The following AUTS2 variants were observed in gnomAD, a reference collection of about 807,000 sequenced individuals.
The protein encoded by AUTS2 is activator of transcription and developmental regulator AUTS2.
A neutral mutation model predicts 112.4 loss-of-function variants in AUTS2; 17 were observed. The observed-to-expected ratio is 0.15, with a 90% CI of 0.10 to 0.23. The LOEUF (loss-of-function observed/expected upper bound fraction) is 0.23, where lower values mean the gene tolerates loss of function less well. Among genes scored for constraint, AUTS2 ranks in the 10% least tolerant of loss-of-function variants. The pLI is 1.00. For synonymous variants in AUTS2, 751 were observed against 702.7 expected, an observed-to-expected ratio of 1.07 and a Z score of -1.09; for missense variants, 1,510 against 1,701.6, an observed-to-expected ratio of 0.89 and a Z score of 1.98.
chr7:70,061,880 C>T (rs915063818), intron 2 of AUTS2, among the ~76,000 whole-genome samples: 3 of 151,750 alleles, frequency 2.0e-5, no homozygotes, highest in African/African-American at 2.4e-5. Context: ...CTCTGCCTCC[C>T]GGGTTCAAGC....
intron 1 of AUTS2, among the ~76,000 whole-genome samples, chr7:69,747,858 C>T (rs968470175): frequency 1.3e-5 from 2 of 149,466 alleles, no homozygotes; most frequent in Admixed American, 6.7e-5. Flanking sequence ...TATTTGCGTA[C>T]GTTTTAAAAT....
chr7:69,744,218 C>G (rs966387506), intron 1 of AUTS2, among the ~76,000 whole-genome samples: 4 of 152,110 alleles, frequency 2.6e-5, no homozygotes, highest in African/African-American at 9.7e-5. Flanking sequence ...CTGGCGATGG[C>G]TTTTGGGTTG....
chr7:70,003,811 ATG>A (rs1184648370), intron 2 of AUTS2, among the ~76,000 whole-genome samples: 1 of 91,312 alleles, frequency 1.1e-5, no homozygotes, highest in Non-Finnish European at 1.9e-5. Flanking sequence ...TAATATATGA[ATG>A]TGTTATATAT....
chr7:70,107,461 A>G (rs1272251308), intron 2 of AUTS2, among the ~76,000 whole-genome samples: 3 of 146,752 alleles, frequency 2.0e-5, no homozygotes, highest in Admixed American at 7.0e-5. Flanking sequence ...CTCCTGCCTC[A>G]GCCTCCCGAG....
intron 6 of AUTS2, among the ~76,000 whole-genome samples, chr7:70,754,973 A>G (rs889489915): frequency 1.3e-5 from 2 of 152,228 alleles, no homozygotes; most frequent in Non-Finnish European, 2.9e-5. Flanking sequence ...GAAGTGCAGA[A>G]GCTGTACTTT....
chr7:69,921,482 C>T (rs777476586), intron 2 of AUTS2, among the ~76,000 whole-genome samples: 3 of 151,720 alleles, frequency 2.0e-5, no homozygotes, highest in African/African-American at 4.8e-5. Context: ...GATTAGTAAA[C>T]GTTGGCCGAG....
rs534115397 is a variant in AUTS2, at chr7:69,635,055, T to G, written c.309+35093T>G. On this transcript the variant is annotated intron_variant, in intron 1 of 18. Coordinates refer to ENST00000342771, the MANE Select transcript of AUTS2 (RefSeq NM_015570.4). ...GTCTTGGGTGCTGTTTACTTCATAT[T>G]TAAGCCCATGGTCCCCATGTGTATT... Among the ~76,000 whole-genome samples, 7 of 152,316 alleles carry G rather than the reference T, an allele frequency of 4.6e-5. No homozygotes were observed. In the South Asian group the frequency reaches 1.5e-3, roughly 32 times the overall value.
intron 1 of AUTS2, among the ~76,000 whole-genome samples, chr7:69,768,347 C>T (rs1460965700): frequency 6.6e-6 from 1 of 152,180 alleles, no homozygotes; most frequent in Non-Finnish European, 1.5e-5. Flanking sequence ...CTTACATAAA[C>T]TCATTTAATT....
At position 70,619,850 on chromosome 7, in the gene AUTS2, GAC is replaced by G. The variant is rs1263041798; in HGVS notation, c.691-78715_691-78714del. Among the ~76,000 whole-genome samples, 3 of 152,098 alleles carry G rather than the reference GAC, an allele frequency of 2.0e-5. No homozygotes were observed. The South Asian group carries it at 6.2e-4, about 32-fold the overall frequency. ...CTCTGTTCCTGACTCAGTTGCTAAT[GAC>G]ACAATCTCCCAGCGCCTGCCTCCGC... On this transcript the variant is annotated intron_variant, in intron 5 of 18. Transcript: ENST00000342771.
At chr7:69,665,558 T>C (rs1795994597) in intron 1 of AUTS2, among the ~76,000 whole-genome samples, 1 of 152,206 alleles carries the variant, frequency 6.6e-6, no homozygotes, top group South Asian at 2.1e-4. Flanking sequence ...TCTATCCAGA[T>C]TTCCAGCTGC....
At chr7:70,299,793 G>T (rs1165195993) in intron 4 of AUTS2, among the ~76,000 whole-genome samples, 2 of 149,466 alleles carry the variant, frequency 1.3e-5, no homozygotes, top group Non-Finnish European at 3.0e-5. Context: ...TCCCAGGTTT[G>T]GCTTAGGGAT....
At chr7:70,100,008 A>T (rs375077738) in intron 2 of AUTS2, among the ~76,000 whole-genome samples, 223 of 152,356 alleles carry the variant, frequency 1.5e-3, no homozygotes, top group African/African-American at 5.2e-3. Flanking sequence ...CAGTAAAAAA[A>T]AAATGACAAA....
At chr7:69,979,478 C>T (rs1338066243) in intron 2 of AUTS2, among the ~76,000 whole-genome samples, 1 of 152,122 alleles carries the variant, frequency 6.6e-6, no homozygotes, top group Non-Finnish European at 1.5e-5. Context: ...GGAAGGATTT[C>T]AATTACAGTC....
intron 4 of AUTS2, among the ~76,000 whole-genome samples, chr7:70,432,244 T>C (rs1483943165): frequency 6.6e-6 from 1 of 152,210 alleles, no homozygotes; most frequent in African/African-American, 2.4e-5. Context: ...GCATCTGACA[T>C]GCCTTTTCCA....
intron 5 of AUTS2, among the ~76,000 whole-genome samples, chr7:70,576,945 G>A (rs1802197314): frequency 6.6e-6 from 1 of 152,100 alleles, no homozygotes; most frequent in Non-Finnish European, 1.5e-5. Flanking sequence ...TGCTACTCCA[G>A]AGGATCTGGA....
intron 4 of AUTS2, among the ~76,000 whole-genome samples, chr7:70,327,192 A>C (rs1409822380): frequency 6.6e-6 from 1 of 152,150 alleles, no homozygotes; most frequent in East Asian, 1.9e-4. Context: ...TGCTGGGATT[A>C]CAGGTGTAAG....
At chr7:69,846,817 G>C (rs1213230495) in intron 1 of AUTS2, among the ~76,000 whole-genome samples, 2 of 152,134 alleles carry the variant, frequency 1.3e-5, no homozygotes, top group Non-Finnish European at 2.9e-5. Flanking sequence ...CAAGTGATCC[G>C]CCTGCCTTGG....
intron 5 of AUTS2, among the ~76,000 whole-genome samples, chr7:70,605,715 C>A (rs750132133): frequency 6.6e-6 from 1 of 151,942 alleles, no homozygotes; most frequent in Admixed American, 6.6e-5. Context: ...TACAACATAG[C>A]GATGAATTTC....
chr7:70,763,408 G>A lies in AUTS2; in HGVS notation c.1214+67G>A, dbSNP rs1182505036. The A allele has an allele frequency of 2.4e-5, 28 of 1,190,396 alleles. No homozygotes were observed. The East Asian group carries it at 2.6e-4, about 11-fold the overall frequency. The allele number at this position is 1,190,396 out of a possible 1,614,324, so 73.7% of individuals were successfully genotyped here. On this transcript the variant is annotated intron_variant, in intron 7 of 18. Transcript: ENST00000342771. ...CCTGGGGATCAGGTGGGTGGGAGTCGGGGAGGGATCCCTAGGGAGACTGAG... is the reference window on the plus strand; with the variant it reads ...CCTGGGGATCAGGTGGGTGGGAGTCAGGGAGGGATCCCTAGGGAGACTGAG...
Sources: allele counts gnomAD v4.1 joint callset (sites outside exome capture counted in the v4.1 genomes callset), GRCh38; gene constraint gnomAD v4.1.1; transcripts MANE v1.5; gene names NCBI Gene and HGNC (gene_info 2026-07-23, HGNC 2026-07-21).